CWC22: variants seen among roughly 807,000 people sequenced by gnomAD.
The protein encoded by CWC22 is pre-mRNA-splicing factor CWC22 homolog.
CWC22 carries 53 observed loss-of-function variants against 117.2 expected under a neutral mutation model. The observed-to-expected ratio is 0.45, with a 90% CI of 0.36 to 0.57. The LOEUF (loss-of-function observed/expected upper bound fraction) is 0.57. Among genes scored for constraint, CWC22 ranks in the 20% least tolerant of loss-of-function variants. The pLI is 0.00. For missense variants in CWC22, 980 were observed against 1,068.8 expected, an observed-to-expected ratio of 0.92 and a Z score of 1.16; for synonymous variants, 360 against 355.6, an observed-to-expected ratio of 1.01 and a Z score of -0.14.
intron 19 of CWC22, among the ~76,000 whole-genome samples, chr2:179,947,340 C>T (rs1166675594): frequency 2.0e-5 from 3 of 152,156 alleles, no homozygotes; most frequent in Non-Finnish European, 4.4e-5. Flanking sequence ...GCTAAACCAG[C>T]GTCCCCTTGA....
Position 179,961,774 on chromosome 2 carries a change from CT to C in CWC22, c.1398-2693del, listed in dbSNP as rs200930477. Among the ~76,000 whole-genome samples, 5 of 151,918 alleles carry C rather than the reference CT, an allele frequency of 3.3e-5. No homozygotes were observed. The East Asian group carries it at 7.7e-4, about 23-fold the overall frequency. On this transcript the variant is annotated intron_variant, in intron 13 of 19. Transcript: ENST00000410053. ...TTTTGAAAGTATTTAATGACCCCCC[CT>C]ACACCAAGACAGTTTTTAGGTTGTA... is the stretch of plus-strand genomic sequence containing the variant.
rs781600087 is a variant in CWC22, at chr2:179,982,004, T to C, written c.207-7A>G. 5 of 1,469,204 alleles carry C rather than the reference T, an allele frequency of 3.4e-6. No homozygotes were observed. Among genetic ancestry groups the C allele is most frequent in the South Asian group, 2.5e-5 (2 of 80,422 alleles). 91.0% of individuals were successfully genotyped at this position (1,469,204 alleles called of 1,614,324 possible). A position where few individuals can be genotyped will look rare whatever the true frequency, so the allele number is the denominator to read the frequency against. ...TTTTTCTCGGTCCCTGTTTCTGTAA[T>C]ATAAATTTTTTGAAGAGCAGAAAAG... On this transcript the variant is annotated splice_region_variant and splice_polypyrimidine_tract_variant and intron_variant, in intron 4 of 19. Transcript: ENST00000410053.
chr2:179,982,282 G>C (rs1166248670), intron 4 of CWC22, among the ~76,000 whole-genome samples: 1 of 152,152 alleles, frequency 6.6e-6, no homozygotes, highest in African/African-American at 2.4e-5. Flanking sequence ...CTGAGCAGGG[G>C]TGTTAAGGTC....
intron 1 of CWC22, among the ~76,000 whole-genome samples, chr2:179,996,585 G>C (rs1687706265): frequency 6.6e-6 from 1 of 152,014 alleles, no homozygotes; most frequent in Non-Finnish European, 1.5e-5. Flanking sequence ...TTTACATGCA[G>C]AAGCTAAAAA....
chr2:179,986,546 A>C (rs1687423479), intron 4 of CWC22, 149 bp downstream of exon 4: 1 of 498,670 alleles, frequency 2.0e-6, no homozygotes, highest in Non-Finnish European at 3.5e-6. Flanking sequence ...TAAGAAGTTA[A>C]TTCATATAAA....
At chr2:179,978,648 G>T (rs192924620) in intron 5 of CWC22, among the ~76,000 whole-genome samples, 18 of 151,966 alleles carry the variant, frequency 1.2e-4, no homozygotes, top group Admixed American at 5.2e-4. Flanking sequence ...TACATATAAT[G>T]CTTGATTTAA....
At chr2:179,996,817 A>G (rs529687250) in intron 1 of CWC22, among the ~76,000 whole-genome samples, 4 of 117,006 alleles carry the variant, frequency 3.4e-5, no homozygotes, top group African/African-American at 1.0e-4. Context: ...ACAATTTTTA[A>G]AAGTGTTAAA....
Position 179,945,612 on chromosome 2 carries a change from T to C in CWC22, c.2244A>G (p.Arg748=). 1 of 1,613,354 alleles carries C rather than the reference T, an allele frequency of 6.2e-7. No individual in the cohort carries two copies. Among genetic ancestry groups the C allele is most frequent in the Non-Finnish European group, 8.5e-7 (1 of 1,179,620 alleles). The change falls in exon 20 of 20, where the codon AGA becomes AGG. Residue 748 remains arginine, a synonymous_variant. Coordinates refer to ENST00000410053, the MANE Select transcript of CWC22 (RefSeq NM_020943.3). ...QTNDRKQKER[R]QEHGHQETRT... ...TTGTTTCCTGGTGCCCGTGTTCTTG[T>C]CTTCTTTCTTTTTGTTTCCTATCAT...
At position 179,945,407 on chromosome 2, in the gene CWC22, CA is replaced by C; in HGVS notation, c.2448del (p.His816GlnfsTer42). The C allele has an allele frequency of 6.2e-7, 1 of 1,613,156 alleles. No individual in the cohort carries two copies. The highest frequency in any genetic ancestry group is 8.5e-7 in the Non-Finnish European group (1 of 1,179,590). ...TCTCCTCTCTTCTTTTTGGGATCAC[CA>C]TGCTTATTTTCCAAATCTATATGCA... ...QEMHIDLENK[H>X]GDPKKKRGER... On this transcript the variant is annotated frameshift_variant, in exon 20 of 20. Coordinates refer to ENST00000410053, the MANE Select transcript of CWC22 (RefSeq NM_020943.3). LOFTEE classifies it high-confidence loss of function.
At chr2:179,989,353 G>A (rs926573079) in intron 2 of CWC22, among the ~76,000 whole-genome samples, 9 of 152,054 alleles carry the variant, frequency 5.9e-5, no homozygotes, top group Admixed American at 1.3e-4. Flanking sequence ...AACCACCCAG[G>A]CTCAAGTGAT....
At chr2:179,985,292 C>A (rs1407723533) in intron 4 of CWC22, among the ~76,000 whole-genome samples, 1 of 151,980 alleles carries the variant, frequency 6.6e-6, no homozygotes, top group Non-Finnish European at 1.5e-5. Flanking sequence ...AAGATACATG[C>A]AAGTTAAGGA....
At chr2:179,983,068 A>C (rs1687325543) in intron 4 of CWC22, among the ~76,000 whole-genome samples, 1 of 152,142 alleles carries the variant, frequency 6.6e-6, no homozygotes, top group South Asian at 2.1e-4. Flanking sequence ...TCATCTTCCC[A>C]GGTAGCTGTG....
chr2:179,984,605 G>A (rs1037653449), intron 4 of CWC22, among the ~76,000 whole-genome samples: 3 of 151,918 alleles, frequency 2.0e-5, no homozygotes, highest in Non-Finnish European at 4.4e-5. Context: ...ATCAAAAAAA[G>A]ATATTGATTT....
chr2:180,004,377 C>T (rs1341050187), intron 1 of CWC22, among the ~76,000 whole-genome samples: 4 of 152,080 alleles, frequency 2.6e-5, no homozygotes, highest in Admixed American at 2.0e-4. Flanking sequence ...GGAGAGTTAA[C>T]TTCTTTTTTT....
Position 179,973,796 on chromosome 2 carries a change from C to T in CWC22, c.588G>A (p.Leu196=). 6.5e-7 allele frequency: 1 copy of T among 1,550,068 alleles called. No homozygotes were observed. The highest frequency in any genetic ancestry group is 1.2e-5 in the South Asian group (1 of 80,566). Residue 196 remains leucine (L), a synonymous_variant, in exon 7 of 20, where the codon CTG becomes CTA. Coordinates refer to ENST00000410053, the MANE Select transcript of CWC22 (RefSeq NM_020943.3). ...LQENIVRGRG[L]LSRSVLQAQS... ...GTGCTTGCAAAACAGACCTGGACAG[C>T]AGTCCTCTGTTTAAAAAAGAATTTA...
At chr2:179,987,849 C>T (rs1449925210) in intron 3 of CWC22, among the ~76,000 whole-genome samples, 3 of 152,094 alleles carry the variant, frequency 2.0e-5, no homozygotes, top group Admixed American at 2.0e-4. Flanking sequence ...GGATCGCTGA[C>T]CTTAACATAG....
intron 13 of CWC22, among the ~76,000 whole-genome samples, chr2:179,963,714 T>G (rs1014321298): frequency 6.6e-6 from 1 of 152,258 alleles, no homozygotes; most frequent in Non-Finnish European, 1.5e-5. Context: ...AATGTTTTGC[T>G]GTTTAACGTT....
chr2:179,985,713 T>A (rs1687401618), intron 4 of CWC22, among the ~76,000 whole-genome samples: 1 of 152,086 alleles, frequency 6.6e-6, no homozygotes, highest in Admixed American at 6.6e-5. Context: ...TAGAGTATAT[T>A]CTTATAATCG....
chr2:179,989,931 GAAGA>G (rs1481896096), intron 2 of CWC22, among the ~76,000 whole-genome samples: 1 of 152,050 alleles, frequency 6.6e-6, no homozygotes, highest in East Asian at 1.9e-4. Flanking sequence ...CCTCCTTAAT[GAAGA>G]AAGGATATAT....
Sources: allele counts gnomAD v4.1 joint callset (sites outside exome capture counted in the v4.1 genomes callset), GRCh38; gene constraint gnomAD v4.1.1; transcripts MANE v1.5; gene names NCBI Gene and HGNC (gene_info 2026-07-23, HGNC 2026-07-21).